KCNIP1: variants seen among roughly 807,000 people sequenced by gnomAD.
The protein encoded by KCNIP1 is A-type potassium channel modulatory protein KCNIP1.
A neutral mutation model predicts 33.0 loss-of-function variants in KCNIP1; 18 were observed. The ratio of observed to expected loss-of-function variants is 0.55; its 90% confidence interval spans 0.38 to 0.81. The LOEUF (loss-of-function observed/expected upper bound fraction) is 0.81, where lower values mean the gene tolerates loss of function less well. KCNIP1 is among the 30% of genes least tolerant of loss of function. The pLI is 0.00. For missense variants in KCNIP1, 238 were observed against 271.6 expected (o/e 0.88, Z 0.87); for synonymous variants, 93 against 98.3 (o/e 0.95, Z 0.32).
At chr5:170,533,351 G>A (rs1256533017) in intron 1 of KCNIP1, among the ~76,000 whole-genome samples, 1 of 152,200 alleles carries the variant, frequency 6.6e-6, no homozygotes, top group Admixed American at 6.5e-5. Flanking sequence ...TTTCTGATTC[G>A]CGGCATTGTT....
intron 1 of KCNIP1, among the ~76,000 whole-genome samples, chr5:170,533,774 A>G (rs140873621): frequency 6.6e-6 from 1 of 152,304 alleles, no homozygotes; most frequent in South Asian, 2.1e-4. Context: ...GTGTGAACCA[A>G]TATCAGATTT....
intron 1 of KCNIP1, among the ~76,000 whole-genome samples, chr5:170,646,764 AG>A (rs1463514601): frequency 1.6e-4 from 25 of 152,296 alleles, no homozygotes; most frequent in South Asian, 8.3e-4. Context: ...AGGAAATAAA[AG>A]GTATACACAT....
At chr5:170,653,045 G>A (rs1761113612) in intron 1 of KCNIP1, among the ~76,000 whole-genome samples, 2 of 152,170 alleles carry the variant, frequency 1.3e-5, no homozygotes. Flanking sequence ...CACACAGCTG[G>A]GTCGGGGGAA....
chr5:170,677,777 T>A (rs1362885842), intron 1 of KCNIP1, among the ~76,000 whole-genome samples: 1 of 151,790 alleles, frequency 6.6e-6, no homozygotes, highest in African/African-American at 2.4e-5. Flanking sequence ...TAGAGAAACC[T>A]TTTCACAAAT....
chr5:170,586,467 C>A (rs572016397), intron 1 of KCNIP1, among the ~76,000 whole-genome samples: 203 of 152,276 alleles, frequency 1.3e-3, no homozygotes, highest in Non-Finnish European at 2.1e-3. Flanking sequence ...TTTGTTGCAG[C>A]AGAAATTGAA....
intron 1 of KCNIP1, among the ~76,000 whole-genome samples, chr5:170,641,092 C>T (rs1266222320): frequency 6.6e-6 from 1 of 152,054 alleles, no homozygotes; most frequent in African/African-American, 2.4e-5. Flanking sequence ...AGAGGCGGTC[C>T]CCACCTCTCA....
chr5:170,382,777 C>T (rs1764296830), intron 1 of KCNIP1: 1 of 152,426 alleles, frequency 6.6e-6, no homozygotes, highest in Non-Finnish European at 1.5e-5. Flanking sequence ...AAACATCCCC[C>T]TCCTCTAACC....
intron 1 of KCNIP1, among the ~76,000 whole-genome samples, chr5:170,538,601 T>C (rs2113371659): frequency 6.6e-6 from 1 of 151,910 alleles, no homozygotes; most frequent in East Asian, 2.0e-4. Flanking sequence ...TCTCAGTCCT[T>C]ATTCCAGACT....
intron 1 of KCNIP1, among the ~76,000 whole-genome samples, chr5:170,450,804 A>G (rs954035025): frequency 2.6e-5 from 4 of 152,054 alleles, no homozygotes; most frequent in African/African-American, 9.7e-5. Flanking sequence ...GGCTGATAAA[A>G]TCCTGCGGAT....
intron 1 of KCNIP1, among the ~76,000 whole-genome samples, chr5:170,434,313 T>C (rs944226819): frequency 1.3e-5 from 2 of 152,236 alleles, no homozygotes; most frequent in African/African-American, 4.8e-5. Flanking sequence ...AGCATATATA[T>C]ATACACACAC....
chr5:170,613,631 G>C (rs1228833441), intron 1 of KCNIP1, among the ~76,000 whole-genome samples: 1 of 152,164 alleles, frequency 6.6e-6, no homozygotes, highest in Non-Finnish European at 1.5e-5. Context: ...AGAAAAGGAG[G>C]CGGGGAGGGC....
chr5:170,522,579 C>G (rs1229936856), intron 1 of KCNIP1, among the ~76,000 whole-genome samples: 1 of 152,234 alleles, frequency 6.6e-6, no homozygotes, highest in African/African-American at 2.4e-5. Context: ...TCCAAGCCCC[C>G]AAGGCTCACT....
chr5:170,453,804 G>A (rs767765539), intron 1 of KCNIP1, among the ~76,000 whole-genome samples: 2 of 152,186 alleles, frequency 1.3e-5, no homozygotes, highest in East Asian at 3.8e-4. Context: ...GGAAGCCCAG[G>A]TGCTGAGACT....
intron 1 of KCNIP1, among the ~76,000 whole-genome samples, chr5:170,472,723 T>C (rs1196143176): frequency 6.6e-6 from 1 of 152,184 alleles, no homozygotes; most frequent in Non-Finnish European, 1.5e-5. Flanking sequence ...AATAATAGTC[T>C]CCAATCTCAT....
chr5:170,378,578 G>T, intron 1 of KCNIP1: 1 of 987,146 alleles, frequency 1.0e-6, no homozygotes, highest in Non-Finnish European at 1.5e-6. Flanking sequence ...ACAGAAGACA[G>T]CGTGGATTGG....
chr5:170,560,015 A>C (rs1245724274), intron 1 of KCNIP1, among the ~76,000 whole-genome samples: 3 of 152,068 alleles, frequency 2.0e-5, no homozygotes, highest in African/African-American at 7.2e-5. Context: ...CTGCTTCTTA[A>C]GTTTGGGGCT....
At chr5:170,715,224 C>T (rs1410608658) in intron 1 of KCNIP1, among the ~76,000 whole-genome samples, 1 of 152,182 alleles carries the variant, frequency 6.6e-6, no homozygotes, top group Non-Finnish European at 1.5e-5. Flanking sequence ...AAAGGCCATA[C>T]CATACAGCCT....
chr5:170,732,680 A>C, intron 5 of KCNIP1, 120 bp from the exon 6 acceptor site: 1 of 653,578 alleles, frequency 1.5e-6, no homozygotes, highest in South Asian at 1.8e-5. Context: ...CTGCTAAAGA[A>C]GGACCTCACC....
At chr5:170,463,518 A>T (rs1347738597) in intron 1 of KCNIP1, among the ~76,000 whole-genome samples, 2 of 152,224 alleles carry the variant, frequency 1.3e-5, no homozygotes, top group Non-Finnish European at 2.9e-5. Flanking sequence ...TTGGTTTAAC[A>T]TTTGAAAATT....
Sources: gnomAD v4.1 joint callset for allele counts (sites outside exome capture counted in the v4.1 genomes callset) on GRCh38, gnomAD v4.1.1 for gene constraint, MANE v1.5 for transcripts, NCBI Gene and HGNC (gene_info 2026-07-23, HGNC 2026-07-21) for gene names.